Variants in BABAM2 observed in about 807,000 individuals in gnomAD.
BABAM2 encodes the protein BRISC and BRCA1-A complex member 2.
BABAM2 carries 31 observed loss-of-function variants against 54.7 expected under a neutral mutation model. That is an observed-to-expected ratio of 0.57 (90% CI 0.43 to 0.77). The LOEUF is 0.77. BABAM2 is among the 30% of genes least tolerant of loss of function. BABAM2 has a pLI of 0.00. For missense variants in BABAM2, 364 were observed against 455.8 expected (o/e 0.80, Z 1.83); for synonymous variants, 167 against 162.9 (o/e 1.03, Z -0.19).
chr2:27,898,138 C>T (rs1319993050), intron 2 of BABAM2, among the ~76,000 whole-genome samples: 1 of 152,118 alleles, frequency 6.6e-6, no homozygotes, highest in Non-Finnish European at 1.5e-5. Context: ...ATGTTTCTTT[C>T]CTTCTTTGAT....
intron 7 of BABAM2, among the ~76,000 whole-genome samples, chr2:28,162,787 A>G (rs1363588194): frequency 1.3e-5 from 2 of 152,244 alleles, no homozygotes; most frequent in African/African-American, 4.8e-5. Flanking sequence ...ATTCAGAAGC[A>G]TCAACCTTTA....
Position 27,903,732 on chromosome 2 carries a change from C to T in BABAM2, c.128+9048C>T, listed in dbSNP as rs1168970204. On this transcript the variant is annotated intron_variant, in intron 2 of 11. Coordinates refer to ENST00000379624, the MANE Select transcript of BABAM2 (RefSeq NM_199191.3). ...CTGTTTCAACTGAGCACGTAGCATA[C>T]GCTGTAGCTGTTATTTTTGCAATTT... 3.9e-5 allele frequency among the ~76,000 whole-genome samples: 6 copies of T among 152,290 alleles called. No individual in the cohort carries two copies. The East Asian group carries it at 7.7e-4, about 20-fold the overall frequency.
chr2:27,969,308 G>A (rs1273932484), intron 3 of BABAM2, among the ~76,000 whole-genome samples: 2 of 152,152 alleles, frequency 1.3e-5, no homozygotes, highest in African/African-American at 2.4e-5. Flanking sequence ...GCATGAAAAC[G>A]GACTAATATA....
chr2:28,031,202 CT>C (rs1195617834), intron 5 of BABAM2, among the ~76,000 whole-genome samples: 1 of 152,150 alleles, frequency 6.6e-6, no homozygotes, highest in Non-Finnish European at 1.5e-5. Context: ...TAGGATTCCA[CT>C]GACTTATGCT....
At chr2:27,909,754 G>A (rs541972990) in intron 2 of BABAM2, among the ~76,000 whole-genome samples, 1 of 152,214 alleles carries the variant, frequency 6.6e-6, no homozygotes, top group South Asian at 2.1e-4. Flanking sequence ...CAATGCACCT[G>A]CTTCTCCCAT....
chr2:27,974,681 T>C (rs1671465283), intron 3 of BABAM2, among the ~76,000 whole-genome samples: 2 of 152,138 alleles, frequency 1.3e-5, no homozygotes, highest in African/African-American at 2.4e-5. Flanking sequence ...GCTTTTCTTC[T>C]AAGACTGAGA....
chr2:27,966,615 A>C (rs1670863213), intron 3 of BABAM2, among the ~76,000 whole-genome samples: 1 of 152,188 alleles, frequency 6.6e-6, no homozygotes, highest in Admixed American at 6.5e-5. Context: ...TCTGGGCCTC[A>C]GGCCAGTCTT....
intron 6 of BABAM2, among the ~76,000 whole-genome samples, chr2:28,055,304 T>C (rs1039884390): frequency 6.6e-6 from 1 of 152,190 alleles, no homozygotes; most frequent in Non-Finnish European, 1.5e-5. Flanking sequence ...AAAAACTACC[T>C]GTCAAGTACT....
At chr2:28,149,174 C>T (rs146711908) in intron 7 of BABAM2, among the ~76,000 whole-genome samples, 33 of 152,180 alleles carry the variant, frequency 2.2e-4, no homozygotes, top group African/African-American at 7.2e-4. Context: ...AAAATTAAGC[C>T]GAGTATAACT....
chr2:28,109,140 A>G (rs1260362932), intron 6 of BABAM2, among the ~76,000 whole-genome samples: 1 of 150,756 alleles, frequency 6.6e-6, no homozygotes, highest in Non-Finnish European at 1.5e-5. Flanking sequence ...GGGCTTACAC[A>G]GGGACCATTT....
intron 7 of BABAM2, among the ~76,000 whole-genome samples, 154 bp downstream of exon 7, chr2:28,129,534 G>A (rs1179553563): frequency 6.6e-6 from 1 of 152,054 alleles, no homozygotes; most frequent in African/African-American, 2.4e-5. Context: ...TTCCATTGCA[G>A]AGTAAATGCA....
In BABAM2 at chr2:27,890,732, TGCGCACGCATCCTGCCCGCGGC is replaced by T. The variant is rs1213537780; in HGVS notation, c.-130_-109del. 11 of 153,604 alleles carry T rather than the reference TGCGCACGCATCCTGCCCGCGGC, an allele frequency of 7.2e-5. No homozygotes were observed. The highest frequency in any genetic ancestry group is 2.2e-4 in the African/African-American group (9 of 40,846). The allele number at this position is 153,604 out of a possible 1,614,324, so 9.5% of individuals were successfully genotyped here. ...GGGGCGGGGCGGGACGTCCGGGGAG[TGCGCACGCATCCTGCCCGCGGC>T]GCGCGCGCAGGTCGGTGCGTCTGTC... On this transcript the variant is annotated 5_prime_UTR_variant, in exon 1 of 12. Transcript: ENST00000379624. The surrounding 1 kb of genome is among the most constrained non-coding windows in gnomAD (Gnocchi z 4.8).
chr2:28,319,976 CCT>C (rs1689890437), intron 11 of BABAM2, among the ~76,000 whole-genome samples: 1 of 152,148 alleles, frequency 6.6e-6, no homozygotes, highest in Non-Finnish European at 1.5e-5. Flanking sequence ...GGACACCCAC[CCT>C]CGGCAGGGAG....
intron 3 of BABAM2, among the ~76,000 whole-genome samples, chr2:27,965,387 C>A (rs1670760551): frequency 6.6e-6 from 1 of 152,058 alleles, no homozygotes; most frequent in African/African-American, 2.4e-5. Flanking sequence ...GTATAATGAA[C>A]TCTTATGTAC....
chr2:28,280,496 C>T (rs1036645912), intron 10 of BABAM2, among the ~76,000 whole-genome samples: 2 of 152,176 alleles, frequency 1.3e-5, no homozygotes, highest in Non-Finnish European at 2.9e-5. Context: ...AGACAAACAA[C>T]TCTCTTTTTG....
rs75558713 is a variant in BABAM2 at position 28,293,395 on chromosome 2, G to T, written c.935-4943G>T. On this transcript the variant is annotated intron_variant, in intron 10 of 11. Transcript: ENST00000379624. ...CATTTAGGGGCAGATAAGCATGTTTGCTTGGGAAGGTAGAAATGCAGCCAC... is the reference window on the plus strand; with the variant it reads ...CATTTAGGGGCAGATAAGCATGTTTTCTTGGGAAGGTAGAAATGCAGCCAC... Among the ~76,000 whole-genome samples, 1,082 of 152,286 alleles carry T rather than the reference G, an allele frequency of 7.1e-3. 9 individuals are homozygous for T. The highest frequency in any genetic ancestry group is 0.025 in the African/African-American group (1,025 of 41,552).
intron 6 of BABAM2, among the ~76,000 whole-genome samples, chr2:28,101,468 A>C (rs1187880912): frequency 6.6e-6 from 1 of 152,124 alleles, no homozygotes; most frequent in Non-Finnish European, 1.5e-5. Flanking sequence ...GATGATGATA[A>C]TTTTAATGCT....
chr2:28,176,855 AAAG>A lies in BABAM2; in HGVS notation c.680+47482_680+47484del, dbSNP rs755350266. Among the ~76,000 whole-genome samples the A allele has an allele frequency of 6.3e-3, 593 of 94,172 alleles. 6 individuals are homozygous for A. Among genetic ancestry groups the A allele is most frequent in the Middle Eastern group, 0.019 (3 of 154 alleles). The allele number at this position is 94,172 out of a possible 152,430, so 61.8% of individuals were successfully genotyped here. ...CCCAGTCAGAACAAAAAAAAAAAAA[AAAG>A]AAGAAGGAGAAGAAATTTTAAAAAA... On this transcript the variant is annotated intron_variant, in intron 7 of 11. Coordinates refer to ENST00000379624, the MANE Select transcript of BABAM2 (RefSeq NM_199191.3).
chr2:27,928,039 G>A (rs1667839246), intron 2 of BABAM2, among the ~76,000 whole-genome samples: 1 of 151,454 alleles, frequency 6.6e-6, no homozygotes. Flanking sequence ...TTGAGATGGA[G>A]TCTTGCTCTG....
Sources: allele counts gnomAD v4.1 joint callset (sites outside exome capture counted in the v4.1 genomes callset), GRCh38; gene constraint gnomAD v4.1.1; non-coding constraint Gnocchi (gnomAD v3.1); transcripts MANE v1.5; gene names NCBI Gene and HGNC (gene_info 2026-07-23, HGNC 2026-07-21).